Variants in WDFY4 observed in about 807,000 individuals in gnomAD.
WDFY4 encodes the protein WDFY family member 4.
WDFY4 carries 169 observed loss-of-function variants against 351.9 expected under a neutral mutation model. That is an observed-to-expected ratio of 0.48 (90% CI 0.42 to 0.55). The LOEUF is 0.55. Ranked by LOEUF, WDFY4 falls within the 20% of genes least tolerant of loss-of-function variation. The pLI, the probability that WDFY4 is intolerant of heterozygous loss-of-function variation, is 0.00. For synonymous variants in WDFY4, 1,622 were observed against 1,574.6 expected (o/e 1.03, Z -0.71); for missense variants, 3,803 against 3,935.6 (o/e 0.97, Z 0.90).
intron 47 of WDFY4, among the ~76,000 whole-genome samples, chr10:48,937,921 C>T (rs908850718): frequency 6.6e-6 from 1 of 152,170 alleles, no homozygotes; most frequent in African/African-American, 2.4e-5. Flanking sequence ...CTGCCACACT[C>T]TACCCCTGCC....
intron 12 of WDFY4, among the ~76,000 whole-genome samples, chr10:48,746,803 A>G (rs2065028982): frequency 6.6e-6 from 1 of 152,206 alleles, no homozygotes; most frequent in Non-Finnish European, 1.5e-5. Context: ...TAAGACACCA[A>G]GACCTTAAAA....
At chr10:48,950,911 A>G (rs1271801408) in intron 51 of WDFY4, among the ~76,000 whole-genome samples, 4 of 152,214 alleles carry the variant, frequency 2.6e-5, no homozygotes, top group African/African-American at 7.2e-5. Context: ...CAGCTCTGCC[A>G]TGGAGCACCT....
chr10:48,811,988 T>C (rs142823654), intron 30 of WDFY4, among the ~76,000 whole-genome samples: 1 of 152,220 alleles, frequency 6.6e-6, no homozygotes, highest in East Asian at 1.9e-4. Flanking sequence ...TGGGCACAGC[T>C]AGGGGAATGA....
In WDFY4 at chr10:48,964,746, C is replaced by T. The variant is rs144597434; in HGVS notation, c.8436+692C>T. Among the ~76,000 whole-genome samples the T allele has an allele frequency of 7.9e-4, 121 of 152,290 alleles. 1 individual carries two copies. The East Asian group carries it at 0.021, about 27-fold the overall frequency. The stretch of plus-strand genomic sequence containing the variant: ...TTAGCAATATGAGGTTGTGCATTCC[C>T]CTGTTGACATACTGATGAAAGCACA... On this transcript the variant is annotated intron_variant, in intron 54 of 61. Transcript: ENST00000325239.
chr10:48,787,840 TTC>T (rs2066465706), intron 20 of WDFY4, among the ~76,000 whole-genome samples: 2 of 140,614 alleles, frequency 1.4e-5, no homozygotes, highest in African/African-American at 6.2e-5. Flanking sequence ...CTTCTTCTTC[TTC>T]TTCTTCTTCT....
intron 32 of WDFY4, among the ~76,000 whole-genome samples, chr10:48,819,548 C>T (rs1235608536): frequency 2.0e-5 from 3 of 152,182 alleles, no homozygotes; most frequent in Admixed American, 6.5e-5. Context: ...TCCCTGGCCG[C>T]GTGTCCTTGG....
At chr10:48,737,828 C>A (rs1252918602) in intron 11 of WDFY4, among the ~76,000 whole-genome samples, 1 of 152,156 alleles carries the variant, frequency 6.6e-6, no homozygotes, top group Non-Finnish European at 1.5e-5. Flanking sequence ...AAAGAAAATA[C>A]CAGAGCTAGG....
intron 27 of WDFY4, among the ~76,000 whole-genome samples, chr10:48,807,382 T>C (rs901791667): frequency 6.6e-6 from 1 of 152,256 alleles, no homozygotes; most frequent in Admixed American, 6.5e-5. Context: ...TTGCTCCATA[T>C]ACCTCTGCTA....
intron 24 of WDFY4, chr10:48,801,427 G>T (rs1199473584): frequency 2.2e-6 from 1 of 447,858 alleles, no homozygotes; most frequent in African/African-American, 2.0e-5. Context: ...CTTAGCCCCA[G>T]GCCTGGCATA....
At chr10:48,965,237 A>G (rs1181310163) in intron 54 of WDFY4, among the ~76,000 whole-genome samples, 1 of 152,160 alleles carries the variant, frequency 6.6e-6, no homozygotes. Flanking sequence ...CAGTGTAGTC[A>G]TGGAGTACAT....
intron 60 of WDFY4, 26 bp downstream of exon 60, chr10:48,978,419 C>T (rs776259725): frequency 1.8e-5 from 28 of 1,538,586 alleles, no homozygotes; most frequent in East Asian, 1.7e-4. Flanking sequence ...GGGATGTGGC[C>T]GTCCTGGCCT....
At chr10:48,921,508 A>C (rs571385180) in intron 47 of WDFY4, among the ~76,000 whole-genome samples, 17 of 152,366 alleles carry the variant, frequency 1.1e-4, no homozygotes, top group African/African-American at 4.1e-4. Context: ...AACTTTGAAA[A>C]GAAAATGAAG....
At chr10:48,960,683 A>T (rs1032384254) in intron 53 of WDFY4, among the ~76,000 whole-genome samples, 1 of 152,276 alleles carries the variant, frequency 6.6e-6, no homozygotes, top group Non-Finnish European at 1.5e-5. Context: ...GCTGGTGAAC[A>T]GATAAACAAA....
intron 39 of WDFY4, among the ~76,000 whole-genome samples, chr10:48,858,195 C>T (rs150791619): frequency 6.6e-6 from 1 of 150,630 alleles, no homozygotes; most frequent in African/African-American, 2.4e-5. Flanking sequence ...ATTGTCATAG[C>T]GTTGTTCTCA....
chr10:48,940,896 C>G (rs1840717974), intron 47 of WDFY4, among the ~76,000 whole-genome samples: 1 of 152,172 alleles, frequency 6.6e-6, no homozygotes, highest in Non-Finnish European at 1.5e-5. Context: ...CCAGGGCAGT[C>G]CACAATGGGA....
At chr10:48,808,579 A>G (rs2067334275) in intron 28 of WDFY4, among the ~76,000 whole-genome samples, 1 of 152,194 alleles carries the variant, frequency 6.6e-6, no homozygotes, top group South Asian at 2.1e-4. Flanking sequence ...TGCAGTGCTG[A>G]GCAAGTCAGC....
In WDFY4 at chr10:48,943,454, G is replaced by A. The variant is rs369407553; in HGVS notation, c.7749+5G>A. 7.1e-6 allele frequency: 11 copies of A among 1,550,922 alleles called. No individual in the cohort carries two copies. The African/African-American group carries it at 9.6e-5, about 14-fold the overall frequency. On this transcript the variant is annotated splice_donor_5th_base_variant and intron_variant, in intron 49 of 61. Coordinates refer to ENST00000325239, the MANE Select transcript of WDFY4 (RefSeq NM_001394531.1). ...CTCGCAGACTACACCTCAGAGGTAAGTTCCTCACGTGGAAACCACAGCTGC... is the reference window on the plus strand; with the variant it reads ...CTCGCAGACTACACCTCAGAGGTAAATTCCTCACGTGGAAACCACAGCTGC...
chr10:48,934,090 A>G (rs1840203332), intron 47 of WDFY4, among the ~76,000 whole-genome samples: 2 of 152,136 alleles, frequency 1.3e-5, no homozygotes, highest in East Asian at 3.9e-4. Context: ...AGCAGCTTAC[A>G]GGCCTGTCAC....
In WDFY4 at chr10:48,731,386, A is replaced by G; in HGVS notation, c.1406A>G (p.Lys469Arg). Residue 469 changes from lysine (K) to arginine (R), a missense_variant, in exon 9 of 62, where the codon AAG becomes AGG. Physicochemically the swap from Lys to Arg is conservative, Grantham distance 26. Around this residue, in one of 3 missense-constraint regions of WDFY4, gnomAD observed 261 missense variants for 330.2 expected, o/e 0.79. Transcript: ENST00000325239. The stretch of plus-strand genomic sequence containing the variant: ...TACGTGCCTCATGAGATCCTGCGAA[A>G]GGTACAGCATCTGATCAAGGAGAGC... ...LHYVPHEILR[K>R]VQHLIKESPG... 6.4e-7 allele frequency: 1 copy of G among 1,551,758 alleles called. No individual in the cohort carries two copies. Among genetic ancestry groups the G allele is most frequent in the Non-Finnish European group, 8.7e-7 (1 of 1,147,012 alleles).
Sources: allele counts gnomAD v4.1 joint callset (sites outside exome capture counted in the v4.1 genomes callset), GRCh38; gene constraint gnomAD v4.1.1; regional missense constraint gnomAD v4.1.1; transcripts MANE v1.5; gene names NCBI Gene and HGNC (gene_info 2026-07-23, HGNC 2026-07-21).